Variants in PAG1 observed in about 807,000 individuals in gnomAD.
PAG1 encodes the protein phosphoprotein associated with glycosphingolipid-enriched microdomains 1.
Under a neutral mutation model 31.7 loss-of-function variants are expected in PAG1, and 23 were observed. The ratio of observed to expected loss-of-function variants is 0.73; its 90% CI spans 0.52 to 1.03. The LOEUF is 1.03. Among genes scored for constraint, PAG1 ranks in the 50% least tolerant of loss-of-function variants. The pLI is 0.00. For missense variants in PAG1, 473 were observed against 540.7 expected (o/e 0.87, Z 1.24); for synonymous variants, 214 against 210.3 (o/e 1.02, Z -0.15).
intron 3 of PAG1, among the ~76,000 whole-genome samples, chr8:81,005,309 T>A (rs182402276): frequency 1.3e-5 from 2 of 152,316 alleles, no homozygotes; most frequent in Admixed American, 6.5e-5. Flanking sequence ...TGTATGTATG[T>A]ATGTATGTAT....
chr8:80,979,817 A>G (rs949156507), intron 8 of PAG1, among the ~76,000 whole-genome samples: 1 of 152,114 alleles, frequency 6.6e-6, no homozygotes, highest in Non-Finnish European at 1.5e-5. Flanking sequence ...ATATACACAT[A>G]TTTCATATTA....
chr8:81,106,383 T>G (rs113758839), intron 1 of PAG1, among the ~76,000 whole-genome samples: 138 of 151,838 alleles, frequency 9.1e-4, no homozygotes, highest in African/African-American at 2.7e-3. Flanking sequence ...CTTCCGTATT[T>G]TTTTTTTTAC....
At chr8:80,978,774 T>C (rs1439972356) in intron 8 of PAG1, among the ~76,000 whole-genome samples, 2 of 152,230 alleles carry the variant, frequency 1.3e-5, no homozygotes, top group East Asian at 1.9e-4. Context: ...CATATTCCTT[T>C]TGACTGTTTT....
intron 2 of PAG1, among the ~76,000 whole-genome samples, chr8:81,041,694 C>T (rs891608013): frequency 6.6e-6 from 1 of 152,166 alleles, no homozygotes; most frequent in African/African-American, 2.4e-5. Flanking sequence ...ATTTTCTCCC[C>T]TTCAGATGGA....
intron 8 of PAG1, 52 bp from the exon 9 acceptor site, chr8:80,976,958 C>T (rs1807198743): frequency 6.5e-7 from 1 of 1,537,922 alleles, no homozygotes; most frequent in South Asian, 1.3e-5. Context: ...CTTCCCCCTC[C>T]CTCTTTTTAG....
At chr8:81,076,312 C>A in intron 1 of PAG1, among the ~76,000 whole-genome samples, 1 of 152,290 alleles carries the variant, frequency 6.6e-6, no homozygotes, top group East Asian at 1.9e-4. Flanking sequence ...ACCTAACAGC[C>A]CATGATTCAG....
At chr8:81,005,159 G>A (rs1410836420) in intron 3 of PAG1, among the ~76,000 whole-genome samples, 7 of 152,070 alleles carry the variant, frequency 4.6e-5, no homozygotes, top group Admixed American at 4.6e-4. Flanking sequence ...AGGCCAGGAC[G>A]CAGGGGCCTT....
intron 1 of PAG1, among the ~76,000 whole-genome samples, chr8:81,089,126 G>C (rs541097073): frequency 2.6e-5 from 4 of 152,204 alleles, no homozygotes; most frequent in African/African-American, 9.6e-5. Flanking sequence ...AAAACTCCTC[G>C]GTCTGAGACA....
chr8:81,069,146 C>T (rs1200886282), intron 2 of PAG1, among the ~76,000 whole-genome samples: 1 of 152,156 alleles, frequency 6.6e-6, no homozygotes, highest in African/African-American at 2.4e-5. Context: ...AAGACTGTGG[C>T]CTCAGAGGGG....
At chr8:81,098,338 T>C (rs1809559801) in intron 1 of PAG1, among the ~76,000 whole-genome samples, 1 of 152,258 alleles carries the variant, frequency 6.6e-6, no homozygotes, top group Non-Finnish European at 1.5e-5. Context: ...ACTGGCGTCC[T>C]ACTTCTGAGC....
At chr8:80,984,194 G>A (rs566954694) in intron 7 of PAG1, among the ~76,000 whole-genome samples, 1 of 152,184 alleles carries the variant, frequency 6.6e-6, no homozygotes, top group South Asian at 2.1e-4. Context: ...TCAGACACAT[G>A]CAGAAGGTGT....
At chr8:81,075,397 A>C (rs1809159875) in intron 1 of PAG1, among the ~76,000 whole-genome samples, 1 of 152,258 alleles carries the variant, frequency 6.6e-6, no homozygotes, top group African/African-American at 2.4e-5. Context: ...TATTCATAAT[A>C]AAATGAGTGT....
intron 8 of PAG1, among the ~76,000 whole-genome samples, chr8:80,977,156 G>A (rs531875792): frequency 3.3e-5 from 5 of 152,306 alleles, no homozygotes; most frequent in African/African-American, 7.2e-5. Context: ...TGGGTCTGCC[G>A]AGGAATTTGA....
chr8:81,100,763 G>C (rs1052236193), intron 1 of PAG1, among the ~76,000 whole-genome samples: 1 of 152,196 alleles, frequency 6.6e-6, no homozygotes, highest in Non-Finnish European at 1.5e-5. Context: ...ATATTACAGG[G>C]AGAGAAAAGG....
chr8:80,999,206 C>T (rs13439123), intron 3 of PAG1, among the ~76,000 whole-genome samples: 37 of 152,306 alleles, frequency 2.4e-4, no homozygotes, highest in African/African-American at 8.4e-4. Flanking sequence ...GAACTCTGCA[C>T]GGATGAGTGT....
chr8:81,020,758 A>G (rs1166279743), intron 3 of PAG1, among the ~76,000 whole-genome samples: 1 of 152,204 alleles, frequency 6.6e-6, no homozygotes, highest in Non-Finnish European at 1.5e-5. Context: ...AAAGTGCCGA[A>G]AATGATGGGT....
At chr8:81,107,257 C>G (rs1809707123) in intron 1 of PAG1, among the ~76,000 whole-genome samples, 1 of 152,182 alleles carries the variant, frequency 6.6e-6, no homozygotes, top group African/African-American at 2.4e-5. Context: ...CCTGTGCTGT[C>G]AATTCCTGCT....
chr8:81,091,670 T>C (rs1319332418), intron 1 of PAG1, among the ~76,000 whole-genome samples: 2 of 152,166 alleles, frequency 1.3e-5, no homozygotes, highest in African/African-American at 4.8e-5. Context: ...ACAAAAATGT[T>C]GGTATGTGGT....
intron 1 of PAG1, among the ~76,000 whole-genome samples, chr8:81,105,332 T>C (rs569301946): frequency 2.6e-4 from 39 of 152,248 alleles, no homozygotes; most frequent in African/African-American, 9.4e-4. Flanking sequence ...ATATATCTGG[T>C]GAATGTATAA....
Sources: gnomAD v4.1 joint callset for allele counts (sites outside exome capture counted in the v4.1 genomes callset) on GRCh38, gnomAD v4.1.1 for gene constraint, MANE v1.5 for transcripts, NCBI Gene and HGNC (gene_info 2026-07-23, HGNC 2026-07-21) for gene names.